The following SEPTIN9 variants were observed in gnomAD, a reference collection of about 807,000 sequenced individuals.
SEPTIN9 encodes the protein septin-9.
A neutral mutation model predicts 56.6 loss-of-function variants in SEPTIN9; 13 were observed. The ratio of observed to expected loss-of-function variants is 0.23; its 90% CI spans 0.15 to 0.37. The LOEUF is 0.37. Among genes scored for constraint, SEPTIN9 ranks in the 10% least tolerant of loss-of-function variants. SEPTIN9 has a pLI of 1.00. For synonymous variants in SEPTIN9, 332 were observed against 334.1 expected (o/e 0.99, Z 0.07); for missense variants, 650 against 823.1 (o/e 0.79, Z 2.57).
chr17:77,423,967 C>T (rs2036802554), intron 3 of SEPTIN9, among the ~76,000 whole-genome samples: 1 of 25,306 alleles, frequency 4.0e-5, no homozygotes, highest in East Asian at 0.12. Flanking sequence ...TCTGCCAGGG[C>T]ATGTCGCTGG....
chr17:77,318,807 T>A lies in SEPTIN9; in HGVS notation c.76+11610T>A, dbSNP rs1053616478. ...TTGGCTCTGTCATCTAGCCGAGGGC[T>A]GTGCATGGGCCTCACCTGGTCACAG... is the stretch of plus-strand genomic sequence containing the variant. On this transcript the variant is annotated intron_variant, in intron 2 of 11. Coordinates refer to ENST00000427177, the MANE Select transcript of SEPTIN9 (RefSeq NM_001113491.2). The surrounding 1 kb of genome is among the most constrained non-coding windows in gnomAD (Gnocchi z 4.9). Among the ~76,000 whole-genome samples the A allele has an allele frequency of 6.6e-6, 1 of 152,190 alleles. No homozygotes were observed. The highest frequency in any genetic ancestry group is 1.5e-5 in the Non-Finnish European group (1 of 68,024).
Position 77,317,168 on chromosome 17 carries a change from CA to C in SEPTIN9, c.76+9973del, listed in dbSNP as rs1271470106. Among the ~76,000 whole-genome samples the C allele has an allele frequency of 3.3e-5, 5 of 152,210 alleles. No individual in the cohort carries two copies. Among genetic ancestry groups the C allele is most frequent in the African/African-American group, 1.2e-4 (5 of 41,460 alleles). Reference sequence around the variant, plus strand: ...CTGCAGCTGCTGTAACGAGTGGCCACAAGCTGGCTGGGTCACAACAACGCCC... The same window carrying C: ...CTGCAGCTGCTGTAACGAGTGGCCACAGCTGGCTGGGTCACAACAACGCCC... On this transcript the variant is annotated intron_variant, in intron 2 of 11. Transcript: ENST00000427177. The surrounding 1 kb of genome is among the most constrained non-coding windows in gnomAD (Gnocchi z 4.2).
Position 77,405,002 on chromosome 17 carries a change from C to G in SEPTIN9, c.721+2299C>G. The G allele has an allele frequency of 7.5e-7, 1 of 1,338,222 alleles. No individual in the cohort carries two copies. Among genetic ancestry groups the G allele is most frequent in the Non-Finnish European group, 1.0e-6 (1 of 982,248 alleles). 82.9% of individuals were successfully genotyped at this position (1,338,222 alleles called of 1,614,324 possible). On this transcript the variant is annotated intron_variant, in intron 3 of 11. Transcript: ENST00000427177. This position sits in a 1 kb window ranked among gnomAD's most constrained non-coding sequence, Gnocchi z 5.8. ...CTTTGTTTGACGTGCCGGATACACC[C>G]CCATCCTGGGTTGATGTGTTCACAC...
At position 77,476,572 on chromosome 17, in the gene SEPTIN9, G is replaced by A. The variant is rs538388747; in HGVS notation, c.722-5572G>A. Among the ~76,000 whole-genome samples the A allele has an allele frequency of 1.3e-5, 2 of 152,316 alleles. No homozygotes were observed. The highest frequency in any genetic ancestry group is 1.9e-4 in the East Asian group (1 of 5,182). ...AAAAGATGGCCCAGTGGACGCCTGC[G>A]GGGAGGAGGGAGCTGGTCCCCAGGA... is the stretch of plus-strand genomic sequence containing the variant. On this transcript the variant is annotated intron_variant, in intron 3 of 11. Transcript: ENST00000427177. This position sits in a 1 kb window ranked among gnomAD's most constrained non-coding sequence, Gnocchi z 6.0.
intron 2 of SEPTIN9, among the ~76,000 whole-genome samples, chr17:77,396,352 G>C (rs416470): frequency 0.016 from 2,383 of 152,342 alleles, 71 homozygotes; most frequent in African/African-American, 0.055. Context: ...CTTTGAATCT[G>C]CCCAGTTGGG....
chr17:77,455,034 G>A (rs920354976), intron 3 of SEPTIN9, among the ~76,000 whole-genome samples: 2 of 152,010 alleles, frequency 1.3e-5, no homozygotes, highest in South Asian at 2.1e-4. Flanking sequence ...GCCTAAACGC[G>A]ATTGGCTCTC....
chr17:77,500,489 A>C lies in SEPTIN9; in HGVS notation c.*1831A>C. ...TTCGTTTCATCAGGCTCTGTTCCTC[A>C]ATGGCCTTTTGCTACGTGCCTCCCG... On this transcript the variant is annotated 3_prime_UTR_variant, in exon 12 of 12. Coordinates refer to ENST00000427177, the MANE Select transcript of SEPTIN9 (RefSeq NM_001113491.2). The C allele has an allele frequency of 4.6e-6, 1 of 217,564 alleles. No individual in the cohort carries two copies. The allele number at this position is 217,564 out of a possible 1,614,324, so 13.5% of individuals were successfully genotyped here.
rs976153178 is a variant in SEPTIN9 at position 77,329,108 on chromosome 17, C to T, written c.76+21911C>T. On this transcript the variant is annotated intron_variant, in intron 2 of 11. Transcript: ENST00000427177. The surrounding 1 kb of genome is among the most constrained non-coding windows in gnomAD (Gnocchi z 4.3). Reference sequence around the variant, plus strand: ...TGCGACAGGCAGGGCCAGGTCGTGCCGGGCCTTGGAGGCCCTGGTGAGGGC... The same window carrying T: ...TGCGACAGGCAGGGCCAGGTCGTGCTGGGCCTTGGAGGCCCTGGTGAGGGC... 1.3e-5 allele frequency among the ~76,000 whole-genome samples: 2 copies of T among 152,188 alleles called. No individual in the cohort carries two copies. Among genetic ancestry groups the T allele is most frequent in the Admixed American group, 6.5e-5 (1 of 15,286 alleles).
At chr17:77,458,493 C>T in intron 3 of SEPTIN9, among the ~76,000 whole-genome samples, 1 of 152,188 alleles carries the variant, frequency 6.6e-6, no homozygotes. Flanking sequence ...TTGCCTGTTA[C>T]GAACCACGTG....
Position 77,479,671 on chromosome 17 carries a change from C to T in SEPTIN9, c.722-2473C>T, listed in dbSNP as rs117286973. The stretch of plus-strand genomic sequence containing the variant: ...TGGAGGGACCCAGCTGCAGCTGAGC[C>T]GGCCCCTCCCTCGCTCTGGGCTCCA... On this transcript the variant is annotated intron_variant, in intron 3 of 11. Coordinates refer to ENST00000427177, the MANE Select transcript of SEPTIN9 (RefSeq NM_001113491.2). 5.7e-4 allele frequency among the ~76,000 whole-genome samples: 86 copies of T among 152,188 alleles called. No homozygotes were observed. In the East Asian group the frequency reaches 0.01, roughly 18 times the overall value.
chr17:77,293,142 A>G (rs2031649357), intron 1 of SEPTIN9, among the ~76,000 whole-genome samples: 1 of 151,880 alleles, frequency 6.6e-6, no homozygotes. Context: ...TCAGCCTCCC[A>G]AGTAGCTCGG....
chr17:77,438,985 G>A (rs560305120), intron 3 of SEPTIN9, among the ~76,000 whole-genome samples: 1 of 152,218 alleles, frequency 6.6e-6, no homozygotes, highest in Non-Finnish European at 1.5e-5. Context: ...AAATGAAGGC[G>A]AGGGTGTGGG....
At chr17:77,424,388 T>TG (rs1598352657) in intron 3 of SEPTIN9, among the ~76,000 whole-genome samples, 2 of 152,216 alleles carry the variant, frequency 1.3e-5, no homozygotes, top group South Asian at 2.1e-4. Context: ...CTTGGCTCAG[T>TG]GGGGGGCCCA....
intron 3 of SEPTIN9, among the ~76,000 whole-genome samples, chr17:77,457,368 ATCTCCCCAAG>A (rs1176210845): frequency 3.3e-5 from 5 of 152,084 alleles, no homozygotes. Flanking sequence ...AGCTTGCTCC[ATCTCCCCAAG>A]TCTCCCCTAG....
chr17:77,413,892 G>A (rs1178255732), intron 3 of SEPTIN9, among the ~76,000 whole-genome samples: 3 of 151,294 alleles, frequency 2.0e-5, no homozygotes, highest in African/African-American at 7.3e-5. Context: ...CCAAATTTCC[G>A]TGATGGAATT....
At chr17:77,442,729 C>G (rs192441274) in intron 3 of SEPTIN9, among the ~76,000 whole-genome samples, 1 of 151,626 alleles carries the variant, frequency 6.6e-6, no homozygotes, top group Non-Finnish European at 1.5e-5. Flanking sequence ...AAAAATTAGC[C>G]GGGTATGGTG....
At chr17:77,497,921 C>A (rs1256453361) in intron 11 of SEPTIN9, among the ~76,000 whole-genome samples, 1 of 104,096 alleles carries the variant, frequency 9.6e-6, no homozygotes, top group Non-Finnish European at 1.9e-5. Flanking sequence ...GAGGGGCCTC[C>A]AGGTTGGCGG....
At chr17:77,325,540 A>G (rs962470783) in intron 2 of SEPTIN9, among the ~76,000 whole-genome samples, 17 of 152,002 alleles carry the variant, frequency 1.1e-4, no homozygotes, top group African/African-American at 4.1e-4. Flanking sequence ...CCGTCTTTCT[A>G]GGCTGATGGC....
intron 3 of SEPTIN9, among the ~76,000 whole-genome samples, chr17:77,442,506 T>TAAA (rs574360726): frequency 8.8e-5 from 8 of 91,308 alleles, no homozygotes; most frequent in African/African-American, 1.6e-4. Flanking sequence ...CAACTAGTCT[T>TAAA]AAAAAAAAAA....
Sources: gnomAD v4.1 joint callset for allele counts (sites outside exome capture counted in the v4.1 genomes callset) on GRCh38, gnomAD v4.1.1 for gene constraint, Gnocchi (gnomAD v3.1) non-coding constraint, MANE v1.5 for transcripts, NCBI Gene and HGNC (gene_info 2026-07-23, HGNC 2026-07-21) for gene names.